Variants in MIPOL1 observed in about 807,000 individuals in gnomAD.
MIPOL1 encodes the protein mirror-image polydactyly 1.
A neutral mutation model predicts 60.9 loss-of-function variants in MIPOL1; 57 were observed. The observed-to-expected ratio is 0.94, with a 90% CI of 0.76 to 1.17. The LOEUF is 1.17. Ranked by LOEUF, MIPOL1 falls within the 50% of genes most tolerant of loss-of-function variation. The pLI, the probability that MIPOL1 is intolerant of heterozygous loss-of-function variation, is 0.00. For missense variants in MIPOL1, 551 were observed against 511.6 expected, an observed-to-expected ratio of 1.08 and a Z score of -0.74; for synonymous variants, 179 against 168.8, an observed-to-expected ratio of 1.06 and a Z score of -0.47.
intron 10 of MIPOL1, among the ~76,000 whole-genome samples, chr14:37,398,268 C>T (rs941969889): frequency 2.6e-5 from 4 of 152,102 alleles, no homozygotes; most frequent in African/African-American, 7.2e-5. Flanking sequence ...TTGGTATTTG[C>T]GAGCGGATTA....
chr14:37,530,428 G>T (rs1274959491), intron 12 of MIPOL1, among the ~76,000 whole-genome samples: 3 of 152,142 alleles, frequency 2.0e-5, no homozygotes, highest in Non-Finnish European at 4.4e-5. Context: ...AAGAAAGGAA[G>T]GGCTTGTAAG....
At chr14:37,229,404 C>T (rs1970273150) in intron 1 of MIPOL1, among the ~76,000 whole-genome samples, 1 of 152,104 alleles carries the variant, frequency 6.6e-6, no homozygotes, top group Non-Finnish European at 1.5e-5. Flanking sequence ...CCTTTGGCCT[C>T]CTAGAGTGCT....
chr14:37,441,393 C>T (rs947584306), intron 11 of MIPOL1, among the ~76,000 whole-genome samples: 1 of 151,924 alleles, frequency 6.6e-6, no homozygotes, highest in Non-Finnish European at 1.5e-5. Flanking sequence ...GTATTTAATC[C>T]ATCTTAAGTT....
At chr14:37,296,598 C>T (rs1333279654) in intron 7 of MIPOL1, among the ~76,000 whole-genome samples, 2 of 152,018 alleles carry the variant, frequency 1.3e-5, no homozygotes, top group Non-Finnish European at 2.9e-5. Flanking sequence ...ATCAAATAGA[C>T]ACAATAAAAA....
chr14:37,464,096 G>A (rs1027212723), intron 11 of MIPOL1, among the ~76,000 whole-genome samples: 3 of 152,144 alleles, frequency 2.0e-5, no homozygotes, highest in African/African-American at 7.2e-5. Context: ...ATTATAAAAT[G>A]TCAGAAAACA....
intron 3 of MIPOL1, among the ~76,000 whole-genome samples, chr14:37,258,658 A>G (rs1402216547): frequency 1.3e-5 from 2 of 152,162 alleles, no homozygotes; most frequent in Non-Finnish European, 2.9e-5. Context: ...GCTGTAGGAT[A>G]TTACGCTATT....
chr14:37,244,543 A>G (rs987237204), intron 1 of MIPOL1, among the ~76,000 whole-genome samples: 1 of 150,436 alleles, frequency 6.6e-6, no homozygotes, highest in Non-Finnish European at 1.5e-5. Context: ...GTTATAGTAG[A>G]GTTTTTTTTT....
chr14:37,332,364 T>C (rs2089768845), intron 9 of MIPOL1, among the ~76,000 whole-genome samples: 1 of 152,214 alleles, frequency 6.6e-6, no homozygotes, highest in Non-Finnish European at 1.5e-5. Flanking sequence ...TCACATTTGC[T>C]GATTTGCATA....
chr14:37,338,411 C>T (rs35274404), intron 9 of MIPOL1, among the ~76,000 whole-genome samples: 33,074 of 65,476 alleles, frequency 0.51, 4,114 homozygotes, highest in South Asian at 0.6. Flanking sequence ...CGCCTGGCCC[C>T]CCCTTTTTTT....
intron 11 of MIPOL1, among the ~76,000 whole-genome samples, chr14:37,438,888 G>A (rs866256703): frequency 1.2e-4 from 18 of 152,268 alleles, no homozygotes; most frequent in African/African-American, 4.3e-4. Flanking sequence ...AATCATAACA[G>A]TTTATGTTTA....
chr14:37,299,631 T>C (rs938271520), intron 7 of MIPOL1, among the ~76,000 whole-genome samples: 5 of 152,046 alleles, frequency 3.3e-5, no homozygotes, highest in Non-Finnish European at 5.9e-5. Context: ...AGAATAGTTT[T>C]ATATTTCTAG....
At position 37,548,810 on chromosome 14, in the gene MIPOL1, C is replaced by T. The variant is rs2095554605; in HGVS notation, c.*1839C>T. 1 of 151,936 alleles carries T rather than the reference C, an allele frequency of 6.6e-6. No homozygotes were observed. The highest frequency in any genetic ancestry group is 6.6e-5 in the Admixed American group (1 of 15,260). 9.4% of individuals were successfully genotyped at this position (151,936 alleles called of 1,614,324 possible). A position where few individuals can be genotyped will look rare whatever the true frequency, so the allele number is the denominator to read the frequency against. ...CAAAATATAGTATAAAGACATTTCA[C>T]AATTTCCAAACAAATCTTTCTACGC... On this transcript the variant is annotated 3_prime_UTR_variant, in exon 13 of 13. Coordinates refer to ENST00000684589, the MANE Select transcript of MIPOL1 (RefSeq NM_001388067.1).
chr14:37,416,509 G>A (rs1413256242), intron 10 of MIPOL1, among the ~76,000 whole-genome samples: 2 of 152,152 alleles, frequency 1.3e-5, no homozygotes, highest in East Asian at 3.9e-4. Context: ...CTGTGACACA[G>A]CAGCAAGTAT....
At chr14:37,238,977 AT>A (rs1411347819) in intron 1 of MIPOL1, among the ~76,000 whole-genome samples, 5 of 151,056 alleles carry the variant, frequency 3.3e-5, no homozygotes, top group African/African-American at 7.3e-5. Flanking sequence ...ATATATATTT[AT>A]TTTTTAATGA....
At chr14:37,232,562 CT>C (rs11285834) in intron 1 of MIPOL1, among the ~76,000 whole-genome samples, 80,858 of 151,996 alleles carry the variant, frequency 0.53, 24,781 homozygotes, top group Non-Finnish European at 0.67. Context: ...TCTGACTATT[CT>C]TTTTCCTCTT....
chr14:37,529,104 C>T (rs2095465164), intron 12 of MIPOL1, among the ~76,000 whole-genome samples: 1 of 152,154 alleles, frequency 6.6e-6, no homozygotes, highest in Non-Finnish European at 1.5e-5. Flanking sequence ...GGCAACACCT[C>T]TTCTTGCCAT....
At position 37,244,104 on chromosome 14, in the gene MIPOL1, C is replaced by CTTTTTTTTTTTTTTTTTTTTTTTT. The variant is rs143933758; in HGVS notation, c.-198-2990_-198-2967dup. On this transcript the variant is annotated intron_variant, in intron 1 of 12. Coordinates refer to ENST00000684589, the MANE Select transcript of MIPOL1 (RefSeq NM_001388067.1). ...TTTTCTTCCATGTAAGACTCACTTC[C>CTTTTTTTTTTTTTTTTTTTTTTTT]TTTTTTTTTTTTTTTTTTTTTTTTT... 9.7e-5 allele frequency among the ~76,000 whole-genome samples: 5 copies of CTTTTTTTTTTTTTTTTTTTTTTTT among 51,588 alleles called. 2 individuals carry two copies. The highest frequency in any genetic ancestry group is 1.7e-4 in the Non-Finnish European group (5 of 29,552). 33.8% of individuals were successfully genotyped at this position (51,588 alleles called of 152,430 possible). A position where few individuals can be genotyped will look rare whatever the true frequency, so the allele number is the denominator to read the frequency against.
chr14:37,394,084 A>ATATATATATATCTC (rs1491106712), intron 10 of MIPOL1, among the ~76,000 whole-genome samples: 1 of 134,674 alleles, frequency 7.4e-6, no homozygotes. Flanking sequence ...ATATATATAT[A>ATATATATATATCTC]TCTCCATGTT....
Position 37,406,834 on chromosome 14 carries a change from T to C in MIPOL1, c.937-16021T>C, listed in dbSNP as rs139106764. 6.0e-4 allele frequency among the ~76,000 whole-genome samples: 92 copies of C among 152,228 alleles called. No individual in the cohort carries two copies. In the Middle Eastern group the frequency reaches 0.014, roughly 23 times the overall value. On this transcript the variant is annotated intron_variant, in intron 10 of 12. Transcript: ENST00000684589. ...GTGGTAAATCTCATTAAATGATGAA[T>C]AGACTACTAGTGAAACCAGTGAAAT... is the stretch of plus-strand genomic sequence containing the variant.
Sources: allele counts gnomAD v4.1 joint callset (sites outside exome capture counted in the v4.1 genomes callset), GRCh38; gene constraint gnomAD v4.1.1; transcripts MANE v1.5; gene names NCBI Gene and HGNC (gene_info 2026-07-23, HGNC 2026-07-21).